ATRX: variants seen among roughly 807,000 people sequenced by gnomAD.
The protein encoded by ATRX is chromatin remodeler ATRX.
Under a neutral mutation model 172.6 loss-of-function variants are expected in ATRX, and 12 were observed. That is an observed-to-expected ratio of 0.07 (90% confidence interval 0.04 to 0.11). ATRX has a LOEUF of 0.11. ATRX is among the 10% of genes least tolerant of loss of function. The pLI is 1.00. For synonymous variants in ATRX, 674 were observed against 594.7 expected (o/e 1.13, Z -1.94); for missense variants, 1,368 against 1,767.4 (o/e 0.77, Z 4.05).
Position 77,507,504 on chromosome X carries a change from A to G in ATRX, c.*847T>C, listed in dbSNP as rs2062737479. 5.7e-6 allele frequency: 1 copy of G among 174,911 alleles called. No homozygotes were observed. Among genetic ancestry groups the G allele is most frequent in the East Asian group, 8.2e-5 (1 of 12,264 alleles). 14.4% of individuals were successfully genotyped at this position (174,911 alleles called of 1,213,427 possible). On this transcript the variant is annotated 3_prime_UTR_variant, in exon 35 of 35. Coordinates refer to ENST00000373344, the MANE Select transcript of ATRX (RefSeq NM_000489.6). ...CCCACTGCCAGCAACAGGATGAAGC[A>G]TTAGCACTGGCACCATGCAGTTAAG...
intron 34 of ATRX, among the ~76,000 whole-genome samples, chrX:77,516,648 G>A (rs900573028): frequency 9.0e-6 from 1 of 111,261 alleles, no homozygotes; most frequent in East Asian, 2.8e-4. Context: ...TGGAGACTTC[G>A]ACACCTCAAC....
chrX:77,553,848 C>T (rs2064659297), intron 30 of ATRX, among the ~76,000 whole-genome samples: 1 of 111,889 alleles, frequency 8.9e-6, no homozygotes, highest in African/African-American at 3.2e-5. Context: ...GTAACTCTTA[C>T]TATATTACTT....
chrX:77,700,949 T>C (rs2072472810), intron 2 of ATRX, among the ~76,000 whole-genome samples: 1 of 112,781 alleles, frequency 8.9e-6, no homozygotes, highest in African/African-American at 3.2e-5. Context: ...TTCTGTATGA[T>C]ACCACAATGG....
Position 77,615,911 on chromosome X carries a change from A to G in ATRX, c.5566+702T>C, listed in dbSNP as rs782097733. ...TTAAATCAGTAATATCATTTGGGGA[A>G]AGGTACCAGAATAAGTGATCAACAA... On this transcript the variant is annotated intron_variant, in intron 22 of 34. Coordinates refer to ENST00000373344, the MANE Select transcript of ATRX (RefSeq NM_000489.6). 79 of 720,571 alleles carry G rather than the reference A, an allele frequency of 1.1e-4. No individual in the cohort carries two copies. In the African/African-American group the frequency reaches 1.5e-3, roughly 14 times the overall value. 59.4% of individuals were successfully genotyped at this position (720,571 alleles called of 1,213,427 possible). A position where few individuals can be genotyped will look rare whatever the true frequency, so the allele number is the denominator to read the frequency against.
chrX:77,671,146 T>TAA (rs2070553802), intron 10 of ATRX, among the ~76,000 whole-genome samples: 1 of 3,561 alleles, frequency 2.8e-4, no homozygotes, highest in Admixed American at 6.7e-3. Context: ...AGACTCTGTC[T>TAA]CAAAAAAAAA....
intron 30 of ATRX, among the ~76,000 whole-genome samples, chrX:77,526,404 G>C (rs1352452989): frequency 5.4e-5 from 6 of 111,520 alleles, no homozygotes; most frequent in Admixed American, 1.9e-4. Context: ...CCAGGTTCCA[G>C]CGATTCTCCT....
rs184931779 is a variant in ATRX at position 77,669,122 on chromosome X, G to C, written c.3810-4344C>G. Reference sequence around the variant, plus strand: ...CAGAGTACAGCTTTGTCATTCTACAGATGAGGAAACAGGCTTAGATATAGG... The same window carrying C: ...CAGAGTACAGCTTTGTCATTCTACACATGAGGAAACAGGCTTAGATATAGG... On this transcript the variant is annotated intron_variant, in intron 10 of 34. Transcript: ENST00000373344. Among the ~76,000 whole-genome samples, 211 of 111,595 alleles carry C rather than the reference G, an allele frequency of 1.9e-3. 1 individual carries two copies. The highest frequency in any genetic ancestry group is 6.5e-3 in the African/African-American group (200 of 30,719).
At chrX:77,736,358 C>G (rs1308468648) in intron 1 of ATRX, among the ~76,000 whole-genome samples, 1 of 112,326 alleles carries the variant, frequency 8.9e-6, no homozygotes, top group Non-Finnish European at 1.9e-5. Context: ...GTAGCTCAAA[C>G]AACTCTACAG....
At chrX:77,619,884 C>A (rs1405480149) in intron 20 of ATRX, among the ~76,000 whole-genome samples, 1 of 111,704 alleles carries the variant, frequency 9.0e-6, no homozygotes, top group East Asian at 2.8e-4. Flanking sequence ...CACAGACATA[C>A]GAAAATGAGG....
chrX:77,638,035 C>G (rs1424259586), intron 15 of ATRX, among the ~76,000 whole-genome samples: 1 of 108,349 alleles, frequency 9.2e-6, no homozygotes, highest in Admixed American at 9.8e-5. Flanking sequence ...AAATTTTAGG[C>G]ACTTTTTTCT....
chrX:77,737,435 A>AGAG (rs1557179730), intron 1 of ATRX, among the ~76,000 whole-genome samples: 9 of 39,175 alleles, frequency 2.3e-4, no homozygotes, highest in African/African-American at 1.3e-3. Flanking sequence ...AAAAAAAAAA[A>AGAG]GGGGGGGGGG....
At position 77,557,210 on chromosome X, in the gene ATRX, T is replaced by C. The variant is rs183697614; in HGVS notation, c.6699+241A>G. On this transcript the variant is annotated intron_variant, in intron 30 of 34. Transcript: ENST00000373344. The stretch of plus-strand genomic sequence containing the variant: ...TATATTAGAAAATATGCTAATTAGA[T>C]ATATTATATGTGGCATAAAATATGT... Among the ~76,000 whole-genome samples, 17 of 112,139 alleles carry C rather than the reference T, an allele frequency of 1.5e-4. No homozygotes were observed. In the East Asian group the frequency reaches 3.9e-3, roughly 26 times the overall value.
At chrX:77,634,894 A>T (rs1471493075) in intron 16 of ATRX, among the ~76,000 whole-genome samples, 191 bp from the exon 17 acceptor site, 1 of 112,059 alleles carries the variant, frequency 8.9e-6, no homozygotes, top group African/African-American at 3.2e-5. Context: ...ACACAAACAT[A>T]GAACAGGGGG....
chrX:77,615,990 A>G, intron 22 of ATRX: 2 of 754,141 alleles, frequency 2.7e-6, no homozygotes, highest in Non-Finnish European at 3.1e-6. Context: ...GAAGACAGAC[A>G]TCTTCAGGCA....
intron 30 of ATRX, among the ~76,000 whole-genome samples, chrX:77,542,419 T>TC (rs782686109): frequency 9.0e-6 from 1 of 111,585 alleles, no homozygotes; most frequent in Non-Finnish European, 1.9e-5. Context: ...TTCAATGCTG[T>TC]CCCCATCAAG....
At chrX:77,524,118 GCT>G (rs1557042778) in intron 30 of ATRX, among the ~76,000 whole-genome samples, 1 of 111,618 alleles carries the variant, frequency 9.0e-6, no homozygotes, top group African/African-American at 3.2e-5. Context: ...CTAAACTCCT[GCT>G]CTGTTTAATT....
At chrX:77,564,626 T>C (rs950391590) in intron 28 of ATRX, among the ~76,000 whole-genome samples, 1 of 110,490 alleles carries the variant, frequency 9.1e-6, no homozygotes, top group Non-Finnish European at 1.9e-5. Flanking sequence ...GCTCAAGTGA[T>C]CCTCCTGCCT....
chrX:77,737,283 C>A (rs2074617013), intron 1 of ATRX, among the ~76,000 whole-genome samples: 1 of 108,480 alleles, frequency 9.2e-6, no homozygotes, highest in Admixed American at 9.9e-5. Context: ...ATTAGCTGGG[C>A]TTGGTGGTGG....
intron 15 of ATRX, among the ~76,000 whole-genome samples, chrX:77,649,208 GAGGA>G (rs1205771088): frequency 5.5e-5 from 6 of 109,420 alleles, no homozygotes; most frequent in South Asian, 4.0e-4. Flanking sequence ...GGAAGGAAGG[GAGGA>G]AGGAAGGAAG....
Sources: allele counts gnomAD v4.1 joint callset (sites outside exome capture counted in the v4.1 genomes callset), GRCh38; gene constraint gnomAD v4.1.1; transcripts MANE v1.5; gene names NCBI Gene and HGNC (gene_info 2026-07-23, HGNC 2026-07-21).